Variants in MMS22L observed in about 807,000 individuals in gnomAD.
The protein encoded by MMS22L is MMS22 like, DNA repair protein.
Under a neutral mutation model 159.1 loss-of-function variants are expected in MMS22L, and 74 were observed. The observed-to-expected ratio is 0.47, with a 90% CI of 0.39 to 0.56. The LOEUF is 0.56. Ranked by LOEUF, MMS22L falls within the 20% of genes least tolerant of loss-of-function variation. The pLI is 0.00. For synonymous variants in MMS22L, 517 were observed against 506.9 expected (o/e 1.02, Z -0.27); for missense variants, 1,351 against 1,422.1 (o/e 0.95, Z 0.80).
rs73488491 is a variant in MMS22L at position 97,190,723 on chromosome 6, G to A, written c.2040-4033C>T. Among the ~76,000 whole-genome samples the A allele has an allele frequency of 2.4e-3, 358 of 152,212 alleles. 2 individuals carry two copies. Among genetic ancestry groups the A allele is most frequent in the African/African-American group, 8.2e-3 (342 of 41,536 alleles). Reference sequence around the variant, plus strand: ...GAGACAAAAGGAGTAATTATGCTGCGTAATAAACATGGTTATTAGCATAGC... The same window carrying A: ...GAGACAAAAGGAGTAATTATGCTGCATAATAAACATGGTTATTAGCATAGC... On this transcript the variant is annotated intron_variant, in intron 14 of 24. Coordinates refer to ENST00000683635, the MANE Select transcript of MMS22L (RefSeq NM_001350599.2).
chr6:97,229,528 G>C (rs762066604), intron 13 of MMS22L, 125 bp from the exon 14 acceptor site: 50 of 699,010 alleles, frequency 7.2e-5, no homozygotes, highest in Non-Finnish European at 1.0e-4. Flanking sequence ...TCTTTATTTT[G>C]ATGCTGCCTT....
At position 97,162,043 on chromosome 6, in the gene MMS22L, GGGA is replaced by G. The variant is rs754464966; in HGVS notation, c.3341_3343del (p.Leu1114del). 6 of 1,612,010 alleles carry G rather than the reference GGGA, an allele frequency of 3.7e-6. No homozygotes were observed. In the East Asian group the frequency reaches 8.9e-5, roughly 24 times the overall value. ...TAACACCAAGCATTTTAAAATGCCA[GGGA>G]GGAGTAGTTCAACTTCATAAATGTC... On this transcript the variant is annotated inframe_deletion, in exon 22 of 25. Coordinates refer to ENST00000683635, the MANE Select transcript of MMS22L (RefSeq NM_001350599.2).
intron 9 of MMS22L, among the ~76,000 whole-genome samples, chr6:97,262,537 C>A (rs1814595919): frequency 6.6e-6 from 1 of 151,110 alleles, no homozygotes; most frequent in Non-Finnish European, 1.5e-5. Flanking sequence ...CCTAGCTACT[C>A]AGGATGCTAA....
chr6:97,280,639 T>A (rs1816680735), intron 3 of MMS22L, among the ~76,000 whole-genome samples: 1 of 152,152 alleles, frequency 6.6e-6, no homozygotes, highest in Admixed American at 6.5e-5. Context: ...AAAAAGCACA[T>A]ATTTTTAAGA....
chr6:97,211,049 G>A (rs1162396164), intron 14 of MMS22L, among the ~76,000 whole-genome samples: 1 of 151,904 alleles, frequency 6.6e-6, no homozygotes, highest in Non-Finnish European at 1.5e-5. Flanking sequence ...ACAAGTGCAG[G>A]AACATTTTCA....
intron 4 of MMS22L, among the ~76,000 whole-genome samples, chr6:97,276,497 G>T (rs1432241139): frequency 2.0e-5 from 3 of 152,068 alleles, no homozygotes; most frequent in Non-Finnish European, 4.4e-5. Context: ...GGCTCCACAG[G>T]AGTTCCAAAA....
Position 97,282,470 on chromosome 6 carries a change from T to C in MMS22L, c.8A>G (p.Asn3Ser), listed in dbSNP as rs1227361566. The stretch of plus-strand genomic sequence containing the variant: ...CAGGAACGTCGATGCAGCAGAACAG[T>C]TCTCCATTGTTTACTTCATGTTCTG... ME[N>S]CSAASTFLTD... is the part of the protein sequence containing the mutation. The change falls in exon 2 of 25, where the codon AAC becomes AGC. Residue 3 changes from asparagine to serine, a missense_variant. Physicochemically the swap from Asn to Ser is conservative, Grantham distance 46 (BLOSUM62 1). Transcript: ENST00000683635. 6.2e-7 allele frequency: 1 copy of C among 1,610,422 alleles called. No homozygotes were observed. Among genetic ancestry groups the C allele is most frequent in the Non-Finnish European group, 8.5e-7 (1 of 1,178,788 alleles).
intron 9 of MMS22L, among the ~76,000 whole-genome samples, chr6:97,262,370 C>T (rs1814573879): frequency 6.6e-6 from 1 of 152,050 alleles, no homozygotes; most frequent in African/African-American, 2.4e-5. Flanking sequence ...GCAGGCCAGG[C>T]ATGGTGGCTC....
intron 14 of MMS22L, among the ~76,000 whole-genome samples, chr6:97,205,705 C>A (rs1377052373): frequency 1.3e-5 from 2 of 152,152 alleles, no homozygotes; most frequent in African/African-American, 4.8e-5. Flanking sequence ...TTTAAGAATG[C>A]CTGTGACACG....
chr6:97,185,060 C>T (rs1805087626), intron 15 of MMS22L, among the ~76,000 whole-genome samples: 1 of 152,094 alleles, frequency 6.6e-6, no homozygotes, highest in South Asian at 2.1e-4. Context: ...CATGGTCTCT[C>T]ATCTCCTTCA....
intron 4 of MMS22L, among the ~76,000 whole-genome samples, chr6:97,277,152 C>T (rs9374462): frequency 0.16 from 24,990 of 152,078 alleles, 2,619 homozygotes; most frequent in East Asian, 0.4. Context: ...CGGTGGCTCA[C>T]GCCTGTAATC....
intron 21 of MMS22L, among the ~76,000 whole-genome samples, chr6:97,162,725 C>A (rs575641655): frequency 1.3e-5 from 2 of 152,072 alleles, no homozygotes; most frequent in African/African-American, 4.8e-5. Context: ...AGCATTATCT[C>A]TCAAGACAAG....
At chr6:97,173,788 GGA>G (rs1372749391) in intron 18 of MMS22L, among the ~76,000 whole-genome samples, 1 of 152,122 alleles carries the variant, frequency 6.6e-6, no homozygotes, top group Non-Finnish European at 1.5e-5. Flanking sequence ...ATGGCAAAAT[GGA>G]GAGTGGTAGA....
At chr6:97,262,789 A>G (rs934595101) in intron 9 of MMS22L, among the ~76,000 whole-genome samples, 7 of 152,070 alleles carry the variant, frequency 4.6e-5, no homozygotes, top group Admixed American at 1.3e-4. Flanking sequence ...GTTTTACAAC[A>G]GACTGTTTTA....
intron 15 of MMS22L, among the ~76,000 whole-genome samples, chr6:97,183,060 T>G (rs1360996009): frequency 6.6e-6 from 1 of 152,168 alleles, no homozygotes; most frequent in Non-Finnish European, 1.5e-5. Context: ...ACTCCCATGC[T>G]GATACCCAGC....
rs143388019 is a variant in MMS22L, at chr6:97,173,205, G to A, written c.2697C>T (p.Tyr899=). 133 of 1,612,864 alleles carry A rather than the reference G, an allele frequency of 8.2e-5. 1 individual carries two copies. The East Asian group carries it at 1.1e-3, about 14-fold the overall frequency. The change falls in exon 19 of 25, where the codon TAC becomes TAT. Residue 899 remains tyrosine, a synonymous_variant. Coordinates refer to ENST00000683635, the MANE Select transcript of MMS22L (RefSeq NM_001350599.2). ...TATCAGAAAGTGTCTGGACGTTCCC[G>A]TAAGTTACACCAACAGCCTATAAAT... ...VRFFEAVGVT[Y]GNVQTLSDKS... is the part of the protein sequence containing the mutation.
At chr6:97,219,220 A>ATG (rs1387135830) in intron 14 of MMS22L, among the ~76,000 whole-genome samples, 4 of 152,168 alleles carry the variant, frequency 2.6e-5, no homozygotes, top group African/African-American at 7.2e-5. Flanking sequence ...TTCTCTTGAA[A>ATG]TGTACAAGCA....
intron 19 of MMS22L, among the ~76,000 whole-genome samples, chr6:97,172,526 G>A (rs1231876274): frequency 6.6e-6 from 1 of 152,138 alleles, no homozygotes; most frequent in Non-Finnish European, 1.5e-5. Context: ...GTTAATCACT[G>A]ACTTCCTAAA....
In MMS22L at chr6:97,225,635, C is replaced by T. The variant is rs552430982; in HGVS notation, c.2039+3259G>A. Among the ~76,000 whole-genome samples, 72 of 148,246 alleles carry T rather than the reference C, an allele frequency of 4.9e-4. 2 individuals are homozygous for T. Among genetic ancestry groups the T allele is most frequent in the African/African-American group, 1.8e-3 (69 of 38,734 alleles). On this transcript the variant is annotated intron_variant, in intron 14 of 24. Coordinates refer to ENST00000683635, the MANE Select transcript of MMS22L (RefSeq NM_001350599.2). ...TCACACAGGCTGGAGTGCAGTGGCA[C>T]GATCTCGGCTCACTGCAAGCTCCGC...
Sources: allele counts gnomAD v4.1 joint callset (sites outside exome capture counted in the v4.1 genomes callset), GRCh38; gene constraint gnomAD v4.1.1; transcripts MANE v1.5; gene names NCBI Gene and HGNC (gene_info 2026-07-23, HGNC 2026-07-21).